The following SEM1 variants were observed in gnomAD, a reference collection of about 807,000 sequenced individuals.
The protein encoded by SEM1 is 26S proteasome complex subunit SEM1.
SEM1 carries 3 observed loss-of-function variants against 12.7 expected under a neutral mutation model. The ratio of observed to expected loss-of-function variants is 0.24; its 90% CI spans 0.11 to 0.61. The LOEUF (loss-of-function observed/expected upper bound fraction) is 0.61, where lower values mean the gene tolerates loss of function less well. SEM1 is among the 20% of genes least tolerant of loss of function. SEM1 has a pLI of 0.88. For synonymous variants in SEM1, 30 were observed against 27.8 expected, an observed-to-expected ratio of 1.08 and a Z score of -0.25; for missense variants, 59 against 81.3, an observed-to-expected ratio of 0.73 and a Z score of 1.06.
chr7:96,512,968 A>G (rs1467288265), intron 2 of SEM1, among the ~76,000 whole-genome samples: 1 of 152,136 alleles, frequency 6.6e-6, no homozygotes, highest in African/African-American at 2.4e-5. Flanking sequence ...CATGGATTGA[A>G]TTACACACTG....
intron 1 of SEM1, 39 bp downstream of exon 1, chr7:96,709,649 A>C (rs766639385): frequency 6.3e-7 from 1 of 1,594,376 alleles, no homozygotes; most frequent in South Asian, 1.1e-5. Context: ...GGCCTGAGTC[A>C]CCGTTCGCGC....
intron 2 of SEM1, among the ~76,000 whole-genome samples, chr7:96,598,835 A>T (rs1172804461): frequency 2.6e-5 from 4 of 152,104 alleles, no homozygotes; most frequent in South Asian, 2.1e-4. Context: ...AAATTAGATT[A>T]AAAAAATTTT....
chr7:96,653,067 T>G (rs935925176), intron 2 of SEM1, among the ~76,000 whole-genome samples: 1 of 152,164 alleles, frequency 6.6e-6, no homozygotes, highest in African/African-American at 2.4e-5. Flanking sequence ...GGTACTATGA[T>G]CTCCATTTTA....
intron 2 of SEM1, among the ~76,000 whole-genome samples, chr7:96,691,953 G>GA (rs1021163411): frequency 6.6e-6 from 1 of 151,990 alleles, no homozygotes; most frequent in Non-Finnish European, 1.5e-5. Context: ...GAAATAAAAA[G>GA]AAAAATCTTA....
intron 2 of SEM1, among the ~76,000 whole-genome samples, chr7:96,651,027 C>T (rs1808962115): frequency 6.6e-6 from 1 of 152,158 alleles, no homozygotes; most frequent in Admixed American, 6.5e-5. Flanking sequence ...GGATGAATAA[C>T]AGCAAAGTCA....
intron 2 of SEM1, among the ~76,000 whole-genome samples, chr7:96,510,004 C>T (rs1803888455): frequency 6.6e-6 from 1 of 152,058 alleles, no homozygotes; most frequent in Admixed American, 6.6e-5. Context: ...ATGTGATATA[C>T]TTAATACTGC....
At chr7:96,515,230 C>T (rs1388503947) in intron 2 of SEM1, among the ~76,000 whole-genome samples, 1 of 152,142 alleles carries the variant, frequency 6.6e-6, no homozygotes, top group African/African-American at 2.4e-5. Context: ...TGAACAGACA[C>T]TTCTCAAAAG....
intron 2 of SEM1, among the ~76,000 whole-genome samples, chr7:96,638,087 T>A (rs1808482656): frequency 6.6e-6 from 1 of 152,062 alleles, no homozygotes; most frequent in Admixed American, 6.6e-5. Flanking sequence ...TTTTAAATAA[T>A]GTTACATGGT....
intron 2 of SEM1, among the ~76,000 whole-genome samples, chr7:96,629,385 C>T (rs115705013): frequency 0.041 from 6,212 of 151,816 alleles, 382 homozygotes; most frequent in Admixed American, 0.15. Flanking sequence ...ACTCTATCTT[C>T]AAGCTCACTA....
intron 2 of SEM1, among the ~76,000 whole-genome samples, chr7:96,564,568 G>A (rs539532445): frequency 1.8e-4 from 28 of 152,070 alleles, no homozygotes; most frequent in South Asian, 8.3e-4. Flanking sequence ...TGACCGTGCC[G>A]GCTAGAAAGT....
intron 2 of SEM1, among the ~76,000 whole-genome samples, chr7:96,647,076 T>C (rs1380859224): frequency 2.0e-5 from 3 of 152,222 alleles, no homozygotes; most frequent in African/African-American, 7.2e-5. Flanking sequence ...AAAGCAGTAA[T>C]ATGTTTCGGT....
chr7:96,593,809 A>G (rs1012400448), intron 2 of SEM1, among the ~76,000 whole-genome samples: 3 of 152,070 alleles, frequency 2.0e-5, no homozygotes, highest in African/African-American at 2.4e-5. Context: ...TTTTTTAAAG[A>G]GAAGTTTCAA....
At chr7:96,664,102 G>C (rs1789095227) in intron 2 of SEM1, 1 of 152,122 alleles carries the variant, frequency 6.6e-6, no homozygotes, top group Non-Finnish European at 1.5e-5. Flanking sequence ...TCACAACCCA[G>C]TAATTCCACT....
intron 2 of SEM1, among the ~76,000 whole-genome samples, chr7:96,603,754 C>A (rs1342879346): frequency 6.6e-6 from 1 of 152,150 alleles, no homozygotes; most frequent in Middle Eastern, 3.2e-3. Context: ...TCCAACCCCA[C>A]CTCAACATTT....
Position 96,667,480 on chromosome 7 carries a change from A to G in SEM1, c.170+27318T>C, listed in dbSNP as rs185860357. 4.7e-4 allele frequency among the ~76,000 whole-genome samples: 71 copies of G among 152,346 alleles called. No homozygotes were observed. In the East Asian group the frequency reaches 0.013, roughly 29 times the overall value. ...CAATTAATTACCTATTGGCCACGGT[A>G]AACTTGGAACTTTCTGTGCAGTAAC... On this transcript the variant is annotated intron_variant, in intron 2 of 2. Coordinates refer to the SEM1 transcript ENST00000417009.
At chr7:96,529,128 C>G (rs761662332) in intron 2 of SEM1, among the ~76,000 whole-genome samples, 8 of 152,016 alleles carry the variant, frequency 5.3e-5, no homozygotes, top group Non-Finnish European at 8.8e-5. Context: ...TACTCCATGT[C>G]CCAGGGTTTG....
intron 2 of SEM1, among the ~76,000 whole-genome samples, chr7:96,607,137 C>T (rs150920578): frequency 2.0e-5 from 3 of 152,292 alleles, no homozygotes; most frequent in African/African-American, 7.2e-5. Context: ...CCAGAAACTG[C>T]TCTAGGTGCT....
intron 2 of SEM1, among the ~76,000 whole-genome samples, chr7:96,677,970 C>T (rs556262878): frequency 6.6e-5 from 10 of 152,168 alleles, no homozygotes; most frequent in Non-Finnish European, 1.3e-4. Context: ...AGCACACATA[C>T]GTTTTTCATA....
chr7:96,682,552 C>T (rs983435880), intron 2 of SEM1, among the ~76,000 whole-genome samples: 2 of 151,542 alleles, frequency 1.3e-5, no homozygotes, highest in East Asian at 2.0e-4. Flanking sequence ...TATTTTGAGA[C>T]GTAAAACCAT....
Sources: allele counts gnomAD v4.1 joint callset (sites outside exome capture counted in the v4.1 genomes callset), GRCh38; gene constraint gnomAD v4.1.1; transcripts MANE v1.5; gene names NCBI Gene and HGNC (gene_info 2026-07-23, HGNC 2026-07-21).